The following UNC13C variants were observed in gnomAD, a reference collection of about 807,000 sequenced individuals.
UNC13C encodes the protein protein unc-13 homolog C.
In UNC13C, 174 loss-of-function variants were observed where a neutral mutation model predicts 245.4. That is an observed-to-expected ratio of 0.71 (90% CI 0.63 to 0.80). UNC13C has a LOEUF of 0.80. UNC13C is among the 30% of genes least tolerant of loss of function. UNC13C has a pLI of 0.00. For missense variants in UNC13C, 2,829 were observed against 2,602.9 expected, an observed-to-expected ratio of 1.09 and a Z score of -1.89; for synonymous variants, 992 against 895.1, an observed-to-expected ratio of 1.11 and a Z score of -1.93.
chr15:54,509,714 T>A (rs1894650314), intron 23 of UNC13C, among the ~76,000 whole-genome samples: 1 of 152,212 alleles, frequency 6.6e-6, no homozygotes, highest in Admixed American at 6.5e-5. Flanking sequence ...AGTTGTTCTT[T>A]TTTTCATTTA....
intron 4 of UNC13C, among the ~76,000 whole-genome samples, chr15:54,179,418 A>G (rs2033723486): frequency 6.6e-6 from 1 of 152,118 alleles, no homozygotes; most frequent in Non-Finnish European, 1.5e-5. Context: ...GAATACATGG[A>G]GAGTTTCACT....
At chr15:54,239,927 A>G (rs2035807947) in intron 7 of UNC13C, among the ~76,000 whole-genome samples, 1 of 152,224 alleles carries the variant, frequency 6.6e-6, no homozygotes, top group African/African-American at 2.4e-5. Context: ...TTTTATTGAT[A>G]AACTCCTACA....
At chr15:54,312,583 T>C (rs1018647644) in intron 13 of UNC13C, among the ~76,000 whole-genome samples, 78 of 151,816 alleles carry the variant, frequency 5.1e-4, no homozygotes, top group African/African-American at 1.8e-3. Flanking sequence ...CCCTTTCTTC[T>C]AAGTAGCTTC....
At chr15:54,098,188 A>ATTTTT (rs1400118711) in intron 2 of UNC13C, among the ~76,000 whole-genome samples, 1 of 151,842 alleles carries the variant, frequency 6.6e-6, no homozygotes, top group African/African-American at 2.4e-5. Context: ...ATTTTATTTT[A>ATTTTT]TTTTGAGATG....
At chr15:54,051,536 A>T (rs1897265562) in intron 2 of UNC13C, among the ~76,000 whole-genome samples, 1 of 152,080 alleles carries the variant, frequency 6.6e-6, no homozygotes, top group Non-Finnish European at 1.5e-5. Flanking sequence ...TACATATTTC[A>T]GTATCTGGTA....
chr15:54,298,058 C>T (rs1004213674), intron 12 of UNC13C, 132 bp downstream of exon 12: 1 of 645,296 alleles, frequency 1.5e-6, no homozygotes, highest in African/African-American at 1.8e-5. Context: ...TATACTACAG[C>T]AGGTGATATA....
the UNC13C span, among the ~76,000 whole-genome samples, chr15:53,921,878 G>T: frequency 6.2e-4 from 95 of 152,130 alleles, no homozygotes; most frequent in African/African-American, 2.2e-3. Flanking sequence ...ATTTAAATGG[G>T]GTTTTTAATG....
chr15:54,502,215 A>G (rs1305021927), intron 22 of UNC13C, among the ~76,000 whole-genome samples: 4 of 152,128 alleles, frequency 2.6e-5, no homozygotes, highest in African/African-American at 9.7e-5. Flanking sequence ...GTAGTCATGA[A>G]TAAGCATAAT....
chr15:54,462,708 C>G (rs573815003), intron 19 of UNC13C, among the ~76,000 whole-genome samples: 1 of 152,354 alleles, frequency 6.6e-6, no homozygotes, highest in African/African-American at 2.4e-5. Context: ...GGCTTGGGAC[C>G]TGCAGCCCGC....
intron 30 of UNC13C, among the ~76,000 whole-genome samples, chr15:54,569,839 A>G (rs144658810): frequency 1.3e-3 from 202 of 151,866 alleles, no homozygotes; most frequent in African/African-American, 4.7e-3. Flanking sequence ...GGATATAGAT[A>G]CGAAATGGTT....
At chr15:54,307,180 AAAC>A (rs34192672) in intron 13 of UNC13C, among the ~76,000 whole-genome samples, 12,203 of 152,020 alleles carry the variant, frequency 0.08, 556 homozygotes, top group East Asian at 0.17. Flanking sequence ...AGTGGCTTAT[AAAC>A]AACAGAAATT....
chr15:54,344,191 C>T (rs1887924839), intron 17 of UNC13C, among the ~76,000 whole-genome samples: 1 of 152,154 alleles, frequency 6.6e-6, no homozygotes, highest in South Asian at 2.1e-4. Flanking sequence ...CTAATTAATA[C>T]TCAGTGGATT....
chr15:54,378,704 G>A (rs72732798), intron 17 of UNC13C, among the ~76,000 whole-genome samples: 3,444 of 151,750 alleles, frequency 0.023, 52 homozygotes, highest in Middle Eastern at 0.041. Context: ...AATAAATTAA[G>A]GTAAGCTGAG....
In UNC13C at chr15:54,288,866, C is replaced by A. The variant is rs542042750; in HGVS notation, c.3819-5029C>A. Among the ~76,000 whole-genome samples, 7 of 152,132 alleles carry A rather than the reference C, an allele frequency of 4.6e-5. No homozygotes were observed. The East Asian group carries it at 1.4e-3, about 29-fold the overall frequency. ...TATCTCTTGGCTCCTCTGTTCTGAT[C>A]AATTCATCTCCCTTAACCTAATGGC... On this transcript the variant is annotated intron_variant, in intron 10 of 32. Transcript: ENST00000260323.
At chr15:54,137,046 C>G (rs1287053122) in intron 2 of UNC13C, among the ~76,000 whole-genome samples, 1 of 152,028 alleles carries the variant, frequency 6.6e-6, no homozygotes. Flanking sequence ...CCCAGCTAGT[C>G]TTGCCCAGGC....
intron 19 of UNC13C, among the ~76,000 whole-genome samples, chr15:54,456,514 C>T (rs1891537179): frequency 6.6e-6 from 1 of 151,936 alleles, no homozygotes; most frequent in Non-Finnish European, 1.5e-5. Context: ...TTTGTATCAT[C>T]TGTTTCTTTC....
At chr15:54,048,098 A>G (rs1292212151) in intron 2 of UNC13C, among the ~76,000 whole-genome samples, 1 of 152,100 alleles carries the variant, frequency 6.6e-6, no homozygotes, top group Non-Finnish European at 1.5e-5. Context: ...TCCTTTTTTT[A>G]TCAGCCAAAA....
intron 10 of UNC13C, among the ~76,000 whole-genome samples, chr15:54,272,655 G>A (rs577588966): frequency 4.4e-4 from 67 of 151,912 alleles, no homozygotes; most frequent in African/African-American, 1.5e-3. Flanking sequence ...TGCCTACATT[G>A]TGATTATGTC....
chr15:54,531,329 C>A (rs1366384572), intron 25 of UNC13C, among the ~76,000 whole-genome samples: 2 of 152,130 alleles, frequency 1.3e-5, no homozygotes, highest in Non-Finnish European at 2.9e-5. Context: ...CAGAGGATCA[C>A]AGTGTAGGAT....
Sources: gnomAD v4.1 joint callset for allele counts (sites outside exome capture counted in the v4.1 genomes callset) on GRCh38, gnomAD v4.1.1 for gene constraint, MANE v1.5 for transcripts, NCBI Gene and HGNC (gene_info 2026-07-23, HGNC 2026-07-21) for gene names.